MGAT1: variants seen among roughly 807,000 people sequenced by gnomAD.
MGAT1 encodes N-glycosyl-oligosaccharide-glycoprotein N-acetylglucosaminyltransferase I.
In MGAT1, 14 loss-of-function variants were observed where a neutral mutation model predicts 31.7. The observed-to-expected ratio is 0.44, with a 90% CI of 0.29 to 0.69. MGAT1 has a LOEUF of 0.69. MGAT1 is among the 30% of genes least tolerant of loss of function. The pLI, the probability that MGAT1 is intolerant of heterozygous loss-of-function variation, is 0.12. For synonymous variants in MGAT1, 338 were observed against 276.0 expected (o/e 1.22, Z -2.23); for missense variants, 557 against 626.0 (o/e 0.89, Z 1.18).
Position 180,792,544 on chromosome 5 carries a change from C to T in MGAT1, c.428G>A (p.Cys143Tyr). Residue 143 changes from cysteine to tyrosine, a missense_variant, in exon 2 of 2, where the codon TGC (cysteine) becomes TAC (tyrosine). By Grantham distance (194) the Cys-to-Tyr change is radical. Transcript: ENST00000307826. ...GGCCTGGGCCGTCTCCTCGTGCCCG[C>T]AGTCCTGGCTAACGATGATGGGGAA... The part of the protein sequence containing the change: ...ELFPIIVSQD[C>Y]GHEETAQAIA... The T allele has an allele frequency of 6.2e-7, 1 of 1,612,962 alleles. No individual in the cohort carries two copies. The highest frequency in any genetic ancestry group is 8.5e-7 in the Non-Finnish European group (1 of 1,179,856).
At chr5:180,793,140 G>C (rs181310245) in intron 1 of MGAT1, 43 bp from the exon 2 acceptor site, 45 of 793,316 alleles carry the variant, frequency 5.7e-5, no homozygotes, top group Non-Finnish European at 8.2e-5. Flanking sequence ...ACAAAGGCTC[G>C]TGGCTCCATG....
Position 180,790,888 on chromosome 5 carries a change from A to C in MGAT1, c.*746T>G, listed in dbSNP as rs1437979873. 1 of 152,298 alleles carries C rather than the reference A, an allele frequency of 6.6e-6. No individual in the cohort carries two copies. The highest frequency in any genetic ancestry group is 1.5e-5 in the Non-Finnish European group (1 of 68,130). 9.4% of individuals were successfully genotyped at this position (152,298 alleles called of 1,614,324 possible). ...CAACAGGGAGGGCACTGATTTTCAG[A>C]AAGGAGGGGTCAGGGCATAGTCCCT... On this transcript the variant is annotated 3_prime_UTR_variant, in exon 2 of 2. Transcript: ENST00000307826.
intron 1 of MGAT1, chr5:180,795,806 A>G (rs1215572600): frequency 2.0e-5 from 3 of 152,194 alleles, no homozygotes; most frequent in Non-Finnish European, 4.4e-5. Context: ...AATTGAGATG[A>G]TCTGTTTGCC....
At chr5:180,799,020 G>A (rs1213579828) in intron 1 of MGAT1, among the ~76,000 whole-genome samples, 1 of 152,142 alleles carries the variant, frequency 6.6e-6, no homozygotes, top group East Asian at 1.9e-4. Context: ...CTGGACTCTT[G>A]ATGTAGTTTC....
At chr5:180,805,482 T>C (rs1211196013), upstream of MGAT1, among the ~76,000 whole-genome samples, 5 of 152,366 alleles carry the variant, frequency 3.3e-5, no homozygotes, top group East Asian at 9.6e-4. Context: ...CTGGGCGCAG[T>C]GGCTCACGCC....
upstream of MGAT1, chr5:180,802,959 T>C (rs1284502353): frequency 7.2e-6 from 1 of 138,454 alleles, no homozygotes; most frequent in Non-Finnish European, 1.6e-5. Flanking sequence ...GCCCGCCTCC[T>C]TTCCCCGCCG....
chr5:180,802,326 G>C (rs1021986495), intron 1 of MGAT1, among the ~76,000 whole-genome samples: 1 of 152,220 alleles, frequency 6.6e-6, no homozygotes, highest in Non-Finnish European at 1.5e-5. Flanking sequence ...GGATGCTGGA[G>C]TGAGGTTAGG....
At position 180,792,963 on chromosome 5, in the gene MGAT1, C is replaced by T. The variant is rs1416574157; in HGVS notation, c.9G>A (p.Lys3=). Residue 3 remains lysine (K), a synonymous_variant, in exon 2 of 2, where the codon AAG becomes AAA. Transcript: ENST00000307826. ...ACAGCACAAGCCCTGCAGACTGCTT[C>T]TTCAGCATCCTGGCCCCCACCGGGG... ML[K]KQSAGLVLWG... 1.7e-5 allele frequency: 27 copies of T among 1,613,210 alleles called. No homozygotes were observed. Among genetic ancestry groups the T allele is most frequent in the Non-Finnish European group, 2.3e-5 (27 of 1,179,936 alleles).
chr5:180,800,482 T>A (rs1294447012), intron 1 of MGAT1, among the ~76,000 whole-genome samples: 2 of 152,110 alleles, frequency 1.3e-5, no homozygotes, highest in African/African-American at 4.8e-5. Context: ...CTCTCACATG[T>A]CTGTAGGATG....
At position 180,792,234 on chromosome 5, in the gene MGAT1, C is replaced by T; in HGVS notation, c.738G>A (p.Lys246=). The part of the protein sequence containing the change: ...WCVSAWNDNG[K]EQMVDASRPE... Reference sequence around the variant, plus strand: ...GCCTGCTGGCGTCCACCATCTGCTCCTTGCCGTTGTCATTCCAGGCCGAGA... The same window carrying T: ...GCCTGCTGGCGTCCACCATCTGCTCTTTGCCGTTGTCATTCCAGGCCGAGA... Residue 246 remains lysine, a synonymous_variant, in exon 2 of 2, where the codon AAG becomes AAA. Transcript: ENST00000307826. The T allele has an allele frequency of 6.2e-7, 1 of 1,613,146 alleles. No individual in the cohort carries two copies. The highest frequency in any genetic ancestry group is 8.5e-7 in the Non-Finnish European group (1 of 1,179,998).
intron 1 of MGAT1, among the ~76,000 whole-genome samples, chr5:180,794,222 CAATT>C: frequency 8.5e-6 from 1 of 118,340 alleles, no homozygotes; most frequent in South Asian, 2.7e-4. Context: ...CTACAAGTAA[CAATT>C]AAAAAAAAAA....
intron 1 of MGAT1, among the ~76,000 whole-genome samples, chr5:180,813,437 C>T (rs1464578997): frequency 1.3e-5 from 2 of 152,192 alleles, no homozygotes; most frequent in Non-Finnish European, 2.9e-5. Flanking sequence ...CCTTTGTTAC[C>T]TATGTTACAG....
At chr5:180,814,896 G>C (rs111958970) in intron 1 of MGAT1, among the ~76,000 whole-genome samples, 2 of 150,430 alleles carry the variant, frequency 1.3e-5, no homozygotes, top group Non-Finnish European at 3.0e-5. Context: ...AGCTGAGATC[G>C]CGCCACTGCA....
chr5:180,794,411 T>TTTTTTTTATATA (rs528893463), intron 1 of MGAT1, among the ~76,000 whole-genome samples: 2,546 of 142,004 alleles, frequency 0.018, 38 homozygotes, highest in African/African-American at 0.021. Context: ...TTTTTTTTTA[T>TTTTTTTTATATA]TATATATATA....
At chr5:180,800,639 C>T (rs775045757) in intron 1 of MGAT1, among the ~76,000 whole-genome samples, 4 of 151,540 alleles carry the variant, frequency 2.6e-5, no homozygotes, top group South Asian at 4.2e-4. Flanking sequence ...TATCCTGTTC[C>T]TGATTCAGCC....
At chr5:180,793,345 C>CA (rs986937396) in intron 1 of MGAT1, among the ~76,000 whole-genome samples, 1 of 152,250 alleles carries the variant, frequency 6.6e-6, no homozygotes, top group Non-Finnish European at 1.5e-5. Flanking sequence ...TTCTACCTGT[C>CA]AGATTTCATT....
chr5:180,810,685 C>G (rs1016675427), intron 1 of MGAT1: 1 of 152,778 alleles, frequency 6.5e-6, no homozygotes. Context: ...CCCCTCCGCC[C>G]CACGCTGGTC....
rs1768426077 is a variant in MGAT1 at position 180,792,616 on chromosome 5, C to T, written c.356G>A (p.Arg119Gln). Reference sequence around the variant, plus strand: ...ATGCAGCAGCTTGTCCAGGCAGCGCCGAACAGTGCTGCGGTCACAGGCGAT... The same window carrying T: ...ATGCAGCAGCTTGTCCAGGCAGCGCTGAACAGTGCTGCGGTCACAGGCGAT... ...LVIACDRSTV[R>Q]RCLDKLLHYR... Residue 119 changes from arginine to glutamine, a missense_variant, in exon 2 of 2, where the codon CGG (arginine) becomes CAG (glutamine). Physicochemically the swap from Arg to Gln is conservative, Grantham distance 43. Around this residue, in one of 3 missense-constraint regions of MGAT1, gnomAD observed 245 missense variants for 332.9 expected, o/e 0.74. Coordinates refer to ENST00000307826, the MANE Select transcript of MGAT1 (RefSeq NM_002406.4). 1.2e-6 allele frequency: 2 copies of T among 1,605,806 alleles called. No individual in the cohort carries two copies. Among genetic ancestry groups the T allele is most frequent in the Admixed American group, 1.7e-5 (1 of 59,732 alleles).
chr5:180,813,935 G>T (rs1472965522), intron 1 of MGAT1, among the ~76,000 whole-genome samples: 1 of 152,170 alleles, frequency 6.6e-6, no homozygotes, highest in Non-Finnish European at 1.5e-5. Context: ...TATGTATCAG[G>T]GCTTCCCATC....
Sources: gnomAD v4.1 joint callset for allele counts (sites outside exome capture counted in the v4.1 genomes callset) on GRCh38, gnomAD v4.1.1 for gene constraint, gnomAD v4.1.1 regional missense constraint, MANE v1.5 for transcripts, NCBI Gene and HGNC (gene_info 2026-07-23, HGNC 2026-07-21) for gene names.